Variants in TXNDC12 observed in about 807,000 individuals in gnomAD.
TXNDC12 encodes thioredoxin domain containing 12.
In TXNDC12, 22 loss-of-function variants were observed where a neutral mutation model predicts 24.2. The observed-to-expected ratio is 0.91, with a 90% CI of 0.65 to 1.30. TXNDC12 has a LOEUF of 1.30. TXNDC12 is among the 50% of genes most tolerant of loss of function. TXNDC12 has a pLI of 0.00. For missense variants in TXNDC12, 184 were observed against 205.8 expected, an observed-to-expected ratio of 0.89 and a Z score of 0.65; for synonymous variants, 58 against 73.4, an observed-to-expected ratio of 0.79 and a Z score of 1.07.
chr1:52,040,804 G>A (rs1324727876), intron 2 of TXNDC12, among the ~76,000 whole-genome samples: 10 of 151,934 alleles, frequency 6.6e-5, no homozygotes, highest in African/African-American at 2.4e-4. Flanking sequence ...GCCGAGGCAG[G>A]TGGATCGCCT....
intron 2 of TXNDC12, among the ~76,000 whole-genome samples, chr1:52,035,263 T>TA (rs1685860092): frequency 1.3e-5 from 2 of 152,150 alleles, no homozygotes; most frequent in South Asian, 2.1e-4. Flanking sequence ...TACAGTATAG[T>TA]AAAAAACATT....
chr1:52,021,072 CCAA>C, intron 6 of TXNDC12, 60 bp from the exon 7 acceptor site: 1 of 1,173,288 alleles, frequency 8.5e-7, no homozygotes, highest in Non-Finnish European at 1.3e-6. Context: ...CATTTGACAA[CCAA>C]TGTACACTTT....
Position 52,055,164 on chromosome 1 carries a change from C to A in TXNDC12, c.-68G>T. 1.7e-6 allele frequency: 2 copies of A among 1,144,204 alleles called. No individual in the cohort carries two copies. Among genetic ancestry groups the A allele is most frequent in the Admixed American group, 3.6e-5 (2 of 55,354 alleles). 70.9% of individuals were successfully genotyped at this position (1,144,204 alleles called of 1,614,324 possible). ...CCGGAGTCCCAGCAGACGGTCCACA[C>A]AGTTCGCCGAGCGCCGCTCAGCACA... On this transcript the variant is annotated 5_prime_UTR_variant, in exon 1 of 7. Coordinates refer to ENST00000371626, the MANE Select transcript of TXNDC12 (RefSeq NM_015913.4).
At chr1:52,048,578 A>G (rs1686141405) in intron 1 of TXNDC12, among the ~76,000 whole-genome samples, 1 of 152,058 alleles carries the variant, frequency 6.6e-6, no homozygotes, top group South Asian at 2.1e-4. Context: ...GTTAAATAAA[A>G]TTTCTCAGCC....
chr1:52,037,379 AT>A (rs1164793472), intron 2 of TXNDC12, among the ~76,000 whole-genome samples: 1 of 151,786 alleles, frequency 6.6e-6, no homozygotes, highest in Non-Finnish European at 1.5e-5. Flanking sequence ...CGCCCGGCGA[AT>A]TTTGTATTTT....
chr1:52,053,662 T>TA (rs1686264298), intron 1 of TXNDC12, among the ~76,000 whole-genome samples: 1 of 151,638 alleles, frequency 6.6e-6, no homozygotes, highest in Non-Finnish European at 1.5e-5. Flanking sequence ...AGACTCTGTC[T>TA]AAAAAACAAA....
intron 4 of TXNDC12, 71 bp from the exon 5 acceptor site, chr1:52,024,650 C>T: frequency 7.8e-7 from 1 of 1,280,586 alleles, no homozygotes; most frequent in Non-Finnish European, 1.1e-6. Context: ...CAGTGGCTTC[C>T]CCACTTGTCA....
At chr1:52,028,740 T>A (rs1171855315) in intron 2 of TXNDC12, 110 bp from the exon 3 acceptor site, 4 of 832,248 alleles carry the variant, frequency 4.8e-6, no homozygotes, top group Non-Finnish European at 7.8e-6. Context: ...ATTGGGAAAA[T>A]CTTTAGACAA....
At chr1:52,037,729 TC>T (rs1413539235) in intron 2 of TXNDC12, among the ~76,000 whole-genome samples, 4 of 152,208 alleles carry the variant, frequency 2.6e-5, no homozygotes, top group Non-Finnish European at 4.4e-5. Flanking sequence ...CTGGTGTTTA[TC>T]TTTGCTCTTC....
chr1:52,025,129 C>T (rs946274403), intron 4 of TXNDC12, among the ~76,000 whole-genome samples: 11 of 152,092 alleles, frequency 7.2e-5, no homozygotes, highest in African/African-American at 2.7e-4. Context: ...CATAGTATTT[C>T]TTTAGTGCAT....
intron 2 of TXNDC12, among the ~76,000 whole-genome samples, chr1:52,031,542 G>T (rs901350733): frequency 6.0e-5 from 9 of 150,864 alleles, no homozygotes; most frequent in Non-Finnish European, 8.8e-5. Context: ...GCCCAGGCTG[G>T]AGTGCAGTGG....
rs551927817 is a variant in TXNDC12, at chr1:52,054,764, C to T, written c.97+236G>A. Among the ~76,000 whole-genome samples, 90 of 152,282 alleles carry T rather than the reference C, an allele frequency of 5.9e-4. 3 individuals carry two copies. The highest frequency in any genetic ancestry group is 1.5e-4 in the Non-Finnish European group (10 of 68,020). ...GCTTTCCTTAATTTACGGGCCATTC[C>T]TTCCCCCCAATCCAATAATTTAGAG... On this transcript the variant is annotated intron_variant, in intron 1 of 6. Transcript: ENST00000371626.
chr1:52,035,950 T>C (rs892691543), intron 2 of TXNDC12, among the ~76,000 whole-genome samples: 1 of 152,148 alleles, frequency 6.6e-6, no homozygotes, highest in Admixed American at 6.6e-5. Context: ...GTTATTTTAG[T>C]AAACTTAGAA....
chr1:52,021,580 AAGAG>A (rs1189100458), intron 6 of TXNDC12, among the ~76,000 whole-genome samples: 4 of 150,552 alleles, frequency 2.7e-5, no homozygotes, highest in African/African-American at 7.3e-5. Flanking sequence ...AAAAAAAAAA[AAGAG>A]AGAGAGAAAC....
At position 52,027,389 on chromosome 1, in the gene TXNDC12, T is replaced by C. The variant is rs375382541; in HGVS notation, c.212-41A>G. 1.0e-4 allele frequency: 143 copies of C among 1,365,582 alleles called. No individual in the cohort carries two copies. The African/African-American group carries it at 1.6e-3, about 15-fold the overall frequency. 84.6% of individuals were successfully genotyped at this position (1,365,582 alleles called of 1,614,324 possible). On this transcript the variant is annotated intron_variant, in intron 3 of 6. Transcript: ENST00000371626. ...TTTTGGAATAGAAGAAAAAACATCATTGTCACAACTAAACCTTAACGAACA... is the reference window on the plus strand; with the variant it reads ...TTTTGGAATAGAAGAAAAAACATCACTGTCACAACTAAACCTTAACGAACA...
chr1:52,038,823 G>A (rs1045518707), intron 2 of TXNDC12, among the ~76,000 whole-genome samples: 2 of 151,040 alleles, frequency 1.3e-5, no homozygotes, highest in Admixed American at 1.3e-4. Flanking sequence ...AAGGCATTTG[G>A]CAAAAAGTGC....
chr1:52,041,669 G>A (rs1685995267), intron 1 of TXNDC12, 72 bp from the exon 2 acceptor site: 4 of 1,013,366 alleles, frequency 3.9e-6, no homozygotes, highest in Middle Eastern at 2.1e-4. Flanking sequence ...AAGTGTGCAT[G>A]TTCACAAGAT....
chr1:52,033,729 G>A (rs370677444), intron 2 of TXNDC12: 134 of 1,607,626 alleles, frequency 8.3e-5, no homozygotes, highest in Non-Finnish European at 1.1e-4. Flanking sequence ...TCTTGCCGCT[G>A]TACGGCAGCC....
At chr1:52,055,527 A>G, upstream of TXNDC12, 1 of 200,290 alleles carries the variant, frequency 5.0e-6, no homozygotes, top group South Asian at 7.8e-5. Flanking sequence ...TCGTGAGGTC[A>G]GTCGCTCCCA....
Sources: gnomAD v4.1 joint callset for allele counts (sites outside exome capture counted in the v4.1 genomes callset) on GRCh38, gnomAD v4.1.1 for gene constraint, MANE v1.5 for transcripts, NCBI Gene and HGNC (gene_info 2026-07-23, HGNC 2026-07-21) for gene names.